STARD9: variants seen among roughly 807,000 people sequenced by gnomAD.
STARD9 encodes stAR-related lipid transfer protein 9.
Under a neutral mutation model 399.8 loss-of-function variants are expected in STARD9, and 346 were observed. The ratio of observed to expected loss-of-function variants is 0.87; its 90% CI spans 0.79 to 0.95. The LOEUF (loss-of-function observed/expected upper bound fraction) is 0.95. Among genes scored for constraint, STARD9 ranks in the 40% least tolerant of loss-of-function variants. The probability of loss-of-function intolerance (pLI) is 0.00; values close to 1 mark genes in which losing one functional copy is unlikely to be tolerated. For synonymous variants in STARD9, 2,203 were observed against 2,143.5 expected, an observed-to-expected ratio of 1.03 and a Z score of -0.77; for missense variants, 5,832 against 5,667.5, an observed-to-expected ratio of 1.03 and a Z score of -0.93.
chr15:42,681,274 G>A (rs1180111989), intron 20 of STARD9, 148 bp from the exon 21 acceptor site: 1 of 690,392 alleles, frequency 1.4e-6, no homozygotes, highest in African/African-American at 1.8e-5. Flanking sequence ...GTGACACCAG[G>A]CCTGTTTGTC....
chr15:42,582,546 G>T (rs182808223), intron 1 of STARD9, among the ~76,000 whole-genome samples: 2 of 152,176 alleles, frequency 1.3e-5, no homozygotes, highest in Non-Finnish European at 2.9e-5. Flanking sequence ...GATTTAAGAA[G>T]ATATAAAGAA....
chr15:42,651,154 TG>T (rs1260213238), intron 8 of STARD9, 69 bp downstream of exon 8: 19 of 1,176,354 alleles, frequency 1.6e-5, no homozygotes, highest in Middle Eastern at 1.9e-4. Context: ...CATTTCCCTT[TG>T]GGGAGTGTAT....
chr15:42,606,347 T>G (rs1388444407), intron 3 of STARD9, among the ~76,000 whole-genome samples: 1 of 152,238 alleles, frequency 6.6e-6, no homozygotes, highest in Non-Finnish European at 1.5e-5. Flanking sequence ...TATTGGACTG[T>G]TAAATCTTGC....
chr15:42,663,804 T>C lies in STARD9; in HGVS notation c.1079-16T>C, dbSNP rs1566914551. The C allele has an allele frequency of 1.3e-6, 2 of 1,524,608 alleles. No individual in the cohort carries two copies. The highest frequency in any genetic ancestry group is 1.4e-5 in the African/African-American group (1 of 72,890). 94.4% of individuals were successfully genotyped at this position (1,524,608 alleles called of 1,614,324 possible). A position where few individuals can be genotyped will look rare whatever the true frequency, so the allele number is the denominator to read the frequency against. The stretch of plus-strand genomic sequence containing the variant: ...GATGGGCTGGCATGTTTTTAAACTT[T>C]CTCCTTCTACCTCAGCGGTGTCTCC... On this transcript the variant is annotated splice_polypyrimidine_tract_variant and intron_variant, in intron 12 of 32. Coordinates refer to ENST00000290607, the MANE Select transcript of STARD9 (RefSeq NM_020759.3).
At chr15:42,625,591 A>G (rs1459620925) in intron 3 of STARD9, among the ~76,000 whole-genome samples, 2 of 150,896 alleles carry the variant, frequency 1.3e-5, no homozygotes, top group Non-Finnish European at 2.9e-5. Flanking sequence ...TGGCCTCCCA[A>G]AGTGCTGGGT....
In STARD9 at chr15:42,685,210, A is replaced by T. The variant is rs1490779837; in HGVS notation, c.3632A>T (p.Glu1211Val). 6.5e-7 allele frequency: 1 copy of T among 1,537,264 alleles called. No individual in the cohort carries two copies. Among genetic ancestry groups the T allele is most frequent in the East Asian group, 2.4e-5 (1 of 40,916 alleles). The change falls in exon 23 of 33, where the codon GAG becomes GTG. Residue 1211 changes from glutamate to valine, a missense_variant. By Grantham distance (121) the Glu-to-Val change is moderately radical. Coordinates refer to ENST00000290607, the MANE Select transcript of STARD9 (RefSeq NM_020759.3). ...SFSLDSLIDA[E>V]EELGEDQQEE... ...TCCTTGGATAGCCTGATTGATGCAGAGGAAGAACTGGGGGAAGATCAGCAA... is the reference window on the plus strand; with the variant it reads ...TCCTTGGATAGCCTGATTGATGCAGTGGAAGAACTGGGGGAAGATCAGCAA...
chr15:42,662,358 T>C (rs775956312), intron 10 of STARD9, among the ~76,000 whole-genome samples: 1 of 152,220 alleles, frequency 6.6e-6, no homozygotes, highest in Non-Finnish European at 1.5e-5. Flanking sequence ...GGAACTATTA[T>C]CAGCCAATTG....
intron 26 of STARD9, among the ~76,000 whole-genome samples, chr15:42,712,411 T>G (rs944450111): frequency 2.6e-5 from 4 of 151,742 alleles, no homozygotes; most frequent in Non-Finnish European, 4.4e-5. Context: ...TCACAAAGAT[T>G]ATGCCTATGT....
intron 3 of STARD9, among the ~76,000 whole-genome samples, chr15:42,606,484 C>T (rs544979595): frequency 5.9e-5 from 9 of 152,228 alleles, no homozygotes; most frequent in East Asian, 1.9e-4. Flanking sequence ...GAAACAGGGT[C>T]GGACTCTGTT....
At chr15:42,679,029 A>G (rs1566928112) in intron 20 of STARD9, among the ~76,000 whole-genome samples, 1 of 152,196 alleles carries the variant, frequency 6.6e-6, no homozygotes, top group Non-Finnish European at 1.5e-5. Context: ...AAGGGTAAGG[A>G]GCACCCCTTC....
At chr15:42,583,469 C>A in intron 2 of STARD9, 54 bp downstream of exon 2, 1 of 1,289,556 alleles carries the variant, frequency 7.8e-7, no homozygotes, top group Non-Finnish European at 1.1e-6. Context: ...AATATTGTTA[C>A]AGGGGCTTCC....
chr15:42,643,143 T>C (rs931356709), intron 7 of STARD9, among the ~76,000 whole-genome samples: 1 of 152,100 alleles, frequency 6.6e-6, no homozygotes, highest in Non-Finnish European at 1.5e-5. Context: ...CCAAATCTTC[T>C]TTACTAGATT....
intron 3 of STARD9, among the ~76,000 whole-genome samples, chr15:42,613,151 A>T (rs1239036597): frequency 6.6e-6 from 1 of 152,150 alleles, no homozygotes; most frequent in Admixed American, 6.6e-5. Context: ...TGTCATCTGT[A>T]TAATGAGTGT....
rs527693525 is a variant in STARD9 at position 42,653,892 on chromosome 15, T to C, written c.702+1300T>C. Among the ~76,000 whole-genome samples the C allele has an allele frequency of 3.1e-3, 470 of 152,274 alleles. 2 individuals are homozygous for C. The highest frequency in any genetic ancestry group is 5.6e-3 in the Non-Finnish European group (384 of 68,002). On this transcript the variant is annotated intron_variant, in intron 9 of 32. Transcript: ENST00000290607. ...TTACATAAAACCACAATTGTAACAA[T>C]GCATTTTTGTACATTGTCATATATG...
intron 9 of STARD9, 122 bp downstream of exon 9, chr15:42,652,714 T>G: frequency 1.1e-6 from 1 of 875,878 alleles, no homozygotes; most frequent in Non-Finnish European, 1.8e-6. Flanking sequence ...CTCAGTCTGT[T>G]GCCCAGACTG....
At chr15:42,649,708 C>T (rs1010616808) in intron 7 of STARD9, among the ~76,000 whole-genome samples, 2 of 151,624 alleles carry the variant, frequency 1.3e-5, no homozygotes, top group Non-Finnish European at 1.5e-5. Context: ...TATAGGCTCC[C>T]GCTACCATGT....
chr15:42,623,137 A>G (rs1040890789), intron 3 of STARD9, among the ~76,000 whole-genome samples: 1 of 152,316 alleles, frequency 6.6e-6, no homozygotes, highest in African/African-American at 2.4e-5. Context: ...CTGTAATCCC[A>G]GCTACCTGGG....
Position 42,575,739 on chromosome 15 carries a change from G to A in STARD9, c.24G>A (p.Val8=), listed in dbSNP as rs1483166900. 3 of 1,536,718 alleles carry A rather than the reference G, an allele frequency of 2.0e-6. No homozygotes were observed. The highest frequency in any genetic ancestry group is 4.9e-5 in the East Asian group (2 of 40,904). The change falls in exon 1 of 33, where the codon GTG becomes GTA. Residue 8 remains valine, a synonymous_variant. Coordinates refer to ENST00000290607, the MANE Select transcript of STARD9 (RefSeq NM_020759.3). ...GGATGGCGAACGTGCAGGTCGCCGT[G>A]CGGGTCCGGCCGCTCAGCAAGAGGT... MANVQVA[V]RVRPLSKRET...
At chr15:42,582,525 G>C (rs967008933) in intron 1 of STARD9, among the ~76,000 whole-genome samples, 2 of 152,144 alleles carry the variant, frequency 1.3e-5, no homozygotes, top group Non-Finnish European at 2.9e-5. Context: ...GAGGAGCTTG[G>C]CCCTGCTTCT....
Sources: allele counts gnomAD v4.1 joint callset (sites outside exome capture counted in the v4.1 genomes callset), GRCh38; gene constraint gnomAD v4.1.1; transcripts MANE v1.5; gene names NCBI Gene and HGNC (gene_info 2026-07-23, HGNC 2026-07-21).